The following KIAA1958 variants were observed in gnomAD, a reference collection of about 807,000 sequenced individuals.
KIAA1958 encodes the protein KIAA1958, also known as uncharacterized protein KIAA1958.
Under a neutral mutation model 47.2 loss-of-function variants are expected in KIAA1958, and 14 were observed. The observed-to-expected ratio is 0.30, with a 90% CI of 0.20 to 0.46. The LOEUF (loss-of-function observed/expected upper bound fraction) is 0.46, where lower values mean the gene tolerates loss of function less well. Ranked by LOEUF, KIAA1958 falls within the 20% of genes least tolerant of loss-of-function variation. The probability of loss-of-function intolerance (pLI) is 1.00; values close to 1 mark genes in which losing one functional copy is unlikely to be tolerated. For missense variants in KIAA1958, 803 were observed against 909.2 expected, an observed-to-expected ratio of 0.88 and a Z score of 1.50; for synonymous variants, 354 against 353.3, an observed-to-expected ratio of 1.00 and a Z score of -0.02.
At chr9:112,498,777 T>C (rs770007904) in intron 1 of KIAA1958, among the ~76,000 whole-genome samples, 16 of 152,168 alleles carry the variant, frequency 1.1e-4, no homozygotes, top group Non-Finnish European at 2.1e-4. Context: ...TTCTGGCCTT[T>C]TGAAAATATG....
At chr9:112,527,432 G>T (rs1834677377) in intron 1 of KIAA1958, among the ~76,000 whole-genome samples, 1 of 152,184 alleles carries the variant, frequency 6.6e-6, no homozygotes, top group African/African-American at 2.4e-5. Flanking sequence ...GTGGCTGGAG[G>T]AAAGTAACAC....
In KIAA1958 at chr9:112,660,260, T is replaced by C. The variant is rs777097186; in HGVS notation, c.*191T>C. On this transcript the variant is annotated 3_prime_UTR_variant, in exon 4 of 4. Transcript: ENST00000337530. ...AATGAAACTAGATGAGTCTAAATCA[T>C]TCGGATGGTTTATCCAAATGTGCGT... 1 of 590,008 alleles carries C rather than the reference T, an allele frequency of 1.7e-6. No individual in the cohort carries two copies. The highest frequency in any genetic ancestry group is 2.1e-5 in the South Asian group (1 of 47,264). 36.5% of individuals were successfully genotyped at this position (590,008 alleles called of 1,614,324 possible). A position where few individuals can be genotyped will look rare whatever the true frequency, so the allele number is the denominator to read the frequency against.
At position 112,544,236 on chromosome 9, in the gene KIAA1958, A is replaced by G. The variant is rs565623526; in HGVS notation, c.-24-29821A>G. Among the ~76,000 whole-genome samples the G allele has an allele frequency of 2.6e-5, 4 of 152,310 alleles. No individual in the cohort carries two copies. The South Asian group carries it at 8.3e-4, about 32-fold the overall frequency. On this transcript the variant is annotated intron_variant, in intron 1 of 3. Coordinates refer to ENST00000337530, the MANE Select transcript of KIAA1958 (RefSeq NM_133465.4). Reference sequence around the variant, plus strand: ...TTGAAAAGTTTCAAAATTTTTCTGTACTATTAGACTTGAATGAATGTCAGA... The same window carrying G: ...TTGAAAAGTTTCAAAATTTTTCTGTGCTATTAGACTTGAATGAATGTCAGA...
In KIAA1958 at chr9:112,575,103, G is replaced by C; in HGVS notation, c.1023G>C (p.Glu341Asp). The C allele has an allele frequency of 6.2e-7, 1 of 1,610,336 alleles. No homozygotes were observed. The highest frequency in any genetic ancestry group is 8.5e-7 in the Non-Finnish European group (1 of 1,179,984). The change falls in exon 2 of 4, where the codon GAG (glutamate) becomes GAC (aspartate). Residue 341 changes from glutamate to aspartate, a missense_variant. Glu to Asp is a conservative substitution (Grantham distance 45). Around this residue, in one of 2 missense-constraint regions of KIAA1958, gnomAD observed 761 missense variants for 829.3 expected, o/e 0.92. Coordinates refer to ENST00000337530, the MANE Select transcript of KIAA1958 (RefSeq NM_133465.4). ...AGGATGAGCAAGTTGCCTCTGAAGAGTTCCTGTCCCATCTGCCCAGCCAGG... is the reference window on the plus strand; with the variant it reads ...AGGATGAGCAAGTTGCCTCTGAAGACTTCCTGTCCCATCTGCCCAGCCAGG... ...PGQDEQVASE[E>D]FLSHLPSQVS...
chr9:112,619,577 G>A (rs1836465569), intron 2 of KIAA1958, among the ~76,000 whole-genome samples: 1 of 152,028 alleles, frequency 6.6e-6, no homozygotes, highest in Non-Finnish European at 1.5e-5. Context: ...GTAGAAGGAG[G>A]GAATAAAGGT....
At chr9:112,546,008 C>G (rs959951202) in intron 1 of KIAA1958, among the ~76,000 whole-genome samples, 1 of 151,504 alleles carries the variant, frequency 6.6e-6, no homozygotes, top group Admixed American at 6.6e-5. Flanking sequence ...CTTGAGTTAG[C>G]TAAATTTATA....
chr9:112,530,963 A>G (rs1370189082), intron 1 of KIAA1958, among the ~76,000 whole-genome samples: 2 of 152,340 alleles, frequency 1.3e-5, no homozygotes, highest in African/African-American at 4.8e-5. Context: ...TAATTCCATT[A>G]TATATTTTAT....
At chr9:112,548,804 A>T (rs1835088777) in intron 1 of KIAA1958, among the ~76,000 whole-genome samples, 1 of 152,230 alleles carries the variant, frequency 6.6e-6, no homozygotes, top group Non-Finnish European at 1.5e-5. Context: ...TAAGGTCCTT[A>T]AAAAGGTAAT....
chr9:112,612,590 G>A (rs564999763), intron 2 of KIAA1958, among the ~76,000 whole-genome samples: 1 of 146,148 alleles, frequency 6.8e-6, no homozygotes, highest in South Asian at 2.2e-4. Flanking sequence ...TAAAAGAAAT[G>A]CAAAATAAAA....
chr9:112,611,649 G>C (rs1836330002), intron 2 of KIAA1958, among the ~76,000 whole-genome samples: 1 of 151,992 alleles, frequency 6.6e-6, no homozygotes, highest in South Asian at 2.1e-4. Flanking sequence ...CCAATCATAA[G>C]TATGTCAGGT....
intron 1 of KIAA1958, among the ~76,000 whole-genome samples, chr9:112,522,722 C>G (rs766504137): frequency 3.9e-5 from 6 of 152,182 alleles, no homozygotes; most frequent in Admixed American, 1.3e-4. Flanking sequence ...TGGTTATAGT[C>G]AAAAAGCTCA....
intron 2 of KIAA1958, among the ~76,000 whole-genome samples, chr9:112,576,430 T>C (rs1309706689): frequency 2.0e-5 from 3 of 152,094 alleles, no homozygotes; most frequent in African/African-American, 7.2e-5. Flanking sequence ...ATTCATAGAG[T>C]TGTACAACTA....
At chr9:112,525,988 TTCTTCTTCTTC>T (rs1187652451) in intron 1 of KIAA1958, among the ~76,000 whole-genome samples, 63 of 1,650 alleles carry the variant, frequency 0.038, 22 homozygotes, top group African/African-American at 0.35. Flanking sequence ...CTTCTTCTTC[TTCTTCTTCTTC>T]TTTTTTTTTT....
intron 1 of KIAA1958, among the ~76,000 whole-genome samples, chr9:112,565,331 T>C (rs1835408932): frequency 6.6e-6 from 1 of 152,232 alleles, no homozygotes; most frequent in Non-Finnish European, 1.5e-5. Flanking sequence ...CTCAAACCCC[T>C]GGGCTCAAAC....
At chr9:112,601,369 T>C (rs1252427472) in intron 2 of KIAA1958, among the ~76,000 whole-genome samples, 1 of 152,124 alleles carries the variant, frequency 6.6e-6, no homozygotes, top group African/African-American at 2.4e-5. Flanking sequence ...GACCAGAAAA[T>C]CTGCTATTCC....
At chr9:112,649,627 T>C (rs1245413065) in intron 3 of KIAA1958, among the ~76,000 whole-genome samples, 1 of 152,032 alleles carries the variant, frequency 6.6e-6, no homozygotes, top group Non-Finnish European at 1.5e-5. Context: ...AAAAAAGACA[T>C]ATTATATACA....
At chr9:112,611,710 A>G (rs942945865) in intron 2 of KIAA1958, among the ~76,000 whole-genome samples, 1 of 152,124 alleles carries the variant, frequency 6.6e-6, no homozygotes, top group Non-Finnish European at 1.5e-5. Flanking sequence ...TACCAACAGG[A>G]TTTTTAAAAT....
At position 112,618,265 on chromosome 9, in the gene KIAA1958, T is replaced by C; in HGVS notation, c.1172-27385T>C. 1 of 1,550,840 alleles carries C rather than the reference T, an allele frequency of 6.4e-7. No individual in the cohort carries two copies. The highest frequency in any genetic ancestry group is 8.7e-7 in the Non-Finnish European group (1 of 1,147,044). On this transcript the variant is annotated intron_variant, in intron 2 of 3. Transcript: ENST00000337530. The surrounding 1 kb of genome is among the most constrained non-coding windows in gnomAD (Gnocchi z 7.1). ...CACACAAGTCCATGAAGCTCACCTT[T>C]GCTGACGAGCTCATCCTGCGGAAAA...
rs866794760 is a variant in KIAA1958 at position 112,513,260 on chromosome 9, C to G, written c.-25+26142C>G. Among the ~76,000 whole-genome samples, 901 of 130,330 alleles carry G rather than the reference C, an allele frequency of 6.9e-3. 10 individuals carry two copies. The highest frequency in any genetic ancestry group is 0.026 in the African/African-American group (867 of 33,376). 85.5% of individuals were successfully genotyped at this position (130,330 alleles called of 152,430 possible). On this transcript the variant is annotated intron_variant, in intron 1 of 3. Coordinates refer to ENST00000337530, the MANE Select transcript of KIAA1958 (RefSeq NM_133465.4). ...CCTCAGGTGATCCACCCACCTCAGC[C>G]TCCTAAAGTGCTGGGATTACAGGCG...
Sources: gnomAD v4.1 joint callset for allele counts (sites outside exome capture counted in the v4.1 genomes callset) on GRCh38, gnomAD v4.1.1 for gene constraint, gnomAD v4.1.1 regional missense constraint, Gnocchi (gnomAD v3.1) non-coding constraint, MANE v1.5 for transcripts, NCBI Gene and HGNC (gene_info 2026-07-23, HGNC 2026-07-21) for gene names.